ZNF131: variants seen among roughly 807,000 people sequenced by gnomAD.
ZNF131 encodes the protein zinc finger and BTB domain containing 35, also known as zinc finger protein 131.
In ZNF131, 7 loss-of-function variants were observed where a neutral mutation model predicts 60.0. That is an observed-to-expected ratio of 0.12 (90% CI 0.07 to 0.22). ZNF131 has a LOEUF of 0.22. Among genes scored for constraint, ZNF131 ranks in the 10% least tolerant of loss-of-function variants. The pLI, the probability that ZNF131 is intolerant of heterozygous loss-of-function variation, is 1.00. For missense variants in ZNF131, 493 were observed against 740.9 expected, an observed-to-expected ratio of 0.67 and a Z score of 3.88; for synonymous variants, 257 against 253.2, an observed-to-expected ratio of 1.01 and a Z score of -0.14.
intron 4 of ZNF131, among the ~76,000 whole-genome samples, chr5:43,140,888 T>C (rs1009071577): frequency 2.6e-5 from 4 of 152,070 alleles, no homozygotes; most frequent in African/African-American, 9.7e-5. Flanking sequence ...CAGCAAATTT[T>C]CGTATTTTTA....
intron 4 of ZNF131, among the ~76,000 whole-genome samples, chr5:43,151,039 T>TA (rs1481527535): frequency 1.3e-5 from 2 of 152,200 alleles, no homozygotes; most frequent in African/African-American, 4.8e-5. Flanking sequence ...TTAGTCTAAG[T>TA]ATAGCAAGAT....
chr5:43,132,860 A>G (rs1745541452), intron 3 of ZNF131, among the ~76,000 whole-genome samples: 1 of 152,114 alleles, frequency 6.6e-6, no homozygotes, highest in Admixed American at 6.6e-5. Context: ...GAACACTTAA[A>G]TGATATTCCA....
At chr5:43,142,048 A>G (rs866171382) in intron 4 of ZNF131, among the ~76,000 whole-genome samples, 15 of 151,932 alleles carry the variant, frequency 9.9e-5, no homozygotes, top group Admixed American at 7.2e-4. Flanking sequence ...TTGGTTAAAA[A>G]TTAGATTTTT....
At chr5:43,141,709 G>T (rs1320909173) in intron 4 of ZNF131, among the ~76,000 whole-genome samples, 2 of 151,510 alleles carry the variant, frequency 1.3e-5, no homozygotes, top group Non-Finnish European at 2.9e-5. Context: ...CTCAGAGGTT[G>T]CAGTGAGCCG....
chr5:43,159,740 GT>G (rs1269978697), intron 4 of ZNF131, among the ~76,000 whole-genome samples: 3 of 149,002 alleles, frequency 2.0e-5, no homozygotes, highest in African/African-American at 7.4e-5. Context: ...ACAGATAAAT[GT>G]TTGCAACTAT....
chr5:43,143,704 T>C (rs1747152903), intron 4 of ZNF131, among the ~76,000 whole-genome samples: 1 of 151,962 alleles, frequency 6.6e-6, no homozygotes, highest in Admixed American at 6.6e-5. Context: ...TCTCCACATT[T>C]TTGTTGGGGA....
intron 3 of ZNF131, among the ~76,000 whole-genome samples, chr5:43,127,149 A>C (rs1013844103): frequency 6.6e-6 from 1 of 152,076 alleles, no homozygotes; most frequent in Admixed American, 6.6e-5. Context: ...GATAGGGTGG[A>C]GTGTGCTTTC....
chr5:43,162,731 C>T (rs1202311172), intron 5 of ZNF131, among the ~76,000 whole-genome samples: 2 of 151,182 alleles, frequency 1.3e-5, no homozygotes, highest in South Asian at 2.1e-4. Context: ...TTGTGAAACC[C>T]CGTCTCTACT....
intron 2 of ZNF131, among the ~76,000 whole-genome samples, chr5:43,122,649 C>A (rs550050027): frequency 6.6e-6 from 1 of 152,254 alleles, no homozygotes; most frequent in South Asian, 2.1e-4. Context: ...GGGGTCTTTA[C>A]CAGCCTTAGG....
chr5:43,149,260 GA>G (rs36054171), intron 4 of ZNF131, among the ~76,000 whole-genome samples: 16,668 of 141,886 alleles, frequency 0.12, 1,082 homozygotes, highest in East Asian at 0.2. Flanking sequence ...GACAGAGGGA[GA>G]AAAAAAAAAA....
At chr5:43,128,583 G>C (rs920930257) in intron 3 of ZNF131, among the ~76,000 whole-genome samples, 2 of 151,490 alleles carry the variant, frequency 1.3e-5, no homozygotes, top group Non-Finnish European at 2.9e-5. Flanking sequence ...TGTGAACCTG[G>C]GAGGCGGAGC....
chr5:43,160,979 C>G (rs1363508658), intron 4 of ZNF131, among the ~76,000 whole-genome samples: 2 of 152,182 alleles, frequency 1.3e-5, no homozygotes, highest in Non-Finnish European at 1.5e-5. Flanking sequence ...CTGCACCTGA[C>G]TGGCACCTTT....
intron 6 of ZNF131, 92 bp downstream of exon 6, chr5:43,173,540 T>A (rs1197560967): frequency 6.9e-7 from 1 of 1,441,884 alleles, no homozygotes; most frequent in Non-Finnish European, 9.3e-7. Flanking sequence ...CAAGCAAAGG[T>A]ATAGGGGCTG....
intron 4 of ZNF131, among the ~76,000 whole-genome samples, chr5:43,157,543 G>A (rs1360775882): frequency 6.6e-6 from 1 of 152,048 alleles, no homozygotes; most frequent in Non-Finnish European, 1.5e-5. Context: ...CAATAACCAG[G>A]GCACCATTTT....
At chr5:43,127,842 G>T (rs930264168) in intron 3 of ZNF131, among the ~76,000 whole-genome samples, 2 of 152,154 alleles carry the variant, frequency 1.3e-5, no homozygotes, top group African/African-American at 4.8e-5. Flanking sequence ...CTTCTAACGT[G>T]AACCTCCAAT....
intron 5 of ZNF131, among the ~76,000 whole-genome samples, chr5:43,168,370 A>T (rs1263411900): frequency 6.6e-6 from 1 of 152,170 alleles, no homozygotes; most frequent in Non-Finnish European, 1.5e-5. Flanking sequence ...GTCACAGAGG[A>T]ATGAGAGGAA....
At chr5:43,163,430 TCTC>T (rs1749995082) in intron 5 of ZNF131, among the ~76,000 whole-genome samples, 1 of 152,170 alleles carries the variant, frequency 6.6e-6, no homozygotes, top group Non-Finnish European at 1.5e-5. Context: ...TCTTTATACT[TCTC>T]CTGGGAGCCA....
intron 5 of ZNF131, among the ~76,000 whole-genome samples, chr5:43,166,410 G>C (rs1011358012): frequency 2.6e-5 from 4 of 151,806 alleles, no homozygotes; most frequent in Non-Finnish European, 5.9e-5. Context: ...GCCCAGGCTG[G>C]AGTGCAGTCA....
intron 4 of ZNF131, among the ~76,000 whole-genome samples, chr5:43,153,128 A>G (rs982755212): frequency 1.3e-5 from 2 of 152,214 alleles, no homozygotes; most frequent in African/African-American, 2.4e-5. Context: ...ATGGGCTATT[A>G]TAAGTGAGTG....
Sources: gnomAD v4.1 joint callset for allele counts (sites outside exome capture counted in the v4.1 genomes callset) on GRCh38, gnomAD v4.1.1 for gene constraint, MANE v1.5 for transcripts, NCBI Gene and HGNC (gene_info 2026-07-23, HGNC 2026-07-21) for gene names.